Variants in PCDHGA8 observed in about 807,000 individuals in gnomAD.
PCDHGA8 encodes the protein protocadherin gamma subfamily A, 8.
PCDHGA8 carries 45 observed loss-of-function variants against 59.2 expected under a neutral mutation model. The ratio of observed to expected loss-of-function variants is 0.76; its 90% CI spans 0.60 to 0.98. The LOEUF is 0.98. Ranked by LOEUF, PCDHGA8 falls within the 50% of genes least tolerant of loss-of-function variation. PCDHGA8 has a pLI of 0.00. For synonymous variants in PCDHGA8, 531 were observed against 519.0 expected (o/e 1.02, Z -0.32); for missense variants, 1,257 against 1,196.2 (o/e 1.05, Z -0.75).
chr5:141,399,682 G>C, intron 1 of PCDHGA8: 2 of 1,613,512 alleles, frequency 1.2e-6, no homozygotes, highest in Non-Finnish European at 1.7e-6. Context: ...CTTTGACTAC[G>C]AGCAGCTGCG....
intron 1 of PCDHGA8, among the ~76,000 whole-genome samples, chr5:141,444,482 T>G (rs1346576719): frequency 6.6e-6 from 1 of 152,000 alleles, no homozygotes; most frequent in Non-Finnish European, 1.5e-5. Context: ...CGTACTGGAT[T>G]TATATTGTGT....
intron 1 of PCDHGA8, chr5:141,413,820 C>G (rs967941133): frequency 5.6e-6 from 9 of 1,613,086 alleles, no homozygotes; most frequent in South Asian, 1.1e-5. Flanking sequence ...ACCACCTGGT[C>G]CTCACCGCCT....
chr5:141,460,921 T>C (rs984603258), intron 1 of PCDHGA8, among the ~76,000 whole-genome samples: 4 of 151,276 alleles, frequency 2.6e-5, no homozygotes, highest in African/African-American at 9.7e-5. Flanking sequence ...TGTATATATA[T>C]ATATGTGTGT....
At chr5:141,453,083 A>G (rs1404530649) in intron 1 of PCDHGA8, among the ~76,000 whole-genome samples, 1 of 152,044 alleles carries the variant, frequency 6.6e-6, no homozygotes, top group African/African-American at 2.4e-5. Flanking sequence ...CTGGTTGATT[A>G]GTATATTTTC....
chr5:141,420,147 C>T lies in PCDHGA8; in HGVS notation c.2424+24910C>T, dbSNP rs1480828845. On this transcript the variant is annotated intron_variant, in intron 1 of 3. Transcript: ENST00000398604. Reference sequence around the variant, plus strand: ...TGTGTGCCTGGGGATCAAATGAATCCAGAATTTAATTTTTTCACATCTGTT... The same window carrying T: ...TGTGTGCCTGGGGATCAAATGAATCTAGAATTTAATTTTTTCACATCTGTT... The T allele has an allele frequency of 2.5e-6, 4 of 1,613,848 alleles. No individual in the cohort carries two copies. The East Asian group carries it at 8.9e-5, about 36-fold the overall frequency.
Position 141,477,858 on chromosome 5 carries a change from C to T in PCDHGA8, c.2425-16949C>T. 2 of 1,613,572 alleles carry T rather than the reference C, an allele frequency of 1.2e-6. No individual in the cohort carries two copies. Among genetic ancestry groups the T allele is most frequent in the Non-Finnish European group, 1.7e-6 (2 of 1,179,842 alleles). ...GGTGGGAGCTCGGTGGAGATGCTGC[C>T]TCGAGGTACCTCAGCTGGCCACCTA... On this transcript the variant is annotated intron_variant, in intron 1 of 3. Transcript: ENST00000398604. This position sits in a 1 kb window ranked among gnomAD's most constrained non-coding sequence, Gnocchi z 4.9.
intron 1 of PCDHGA8, chr5:141,428,212 C>A (rs1295973505): frequency 8.0e-7 from 1 of 1,255,000 alleles, no homozygotes; most frequent in Non-Finnish European, 1.1e-6. Context: ...TACGCTTCAC[C>A]TAGTCTTCGC....
At chr5:141,419,761 C>A in intron 1 of PCDHGA8, 1 of 1,614,008 alleles carries the variant, frequency 6.2e-7, no homozygotes, top group South Asian at 1.1e-5. Context: ...CTTTGGGTGA[C>A]AAGGACTCGG....
In PCDHGA8 at chr5:141,420,134, G is replaced by A. The variant is rs769225630; in HGVS notation, c.2424+24897G>A. The A allele has an allele frequency of 1.1e-5, 18 of 1,613,952 alleles. No homozygotes were observed. Among genetic ancestry groups the A allele is most frequent in the Non-Finnish European group, 1.4e-5 (17 of 1,179,876 alleles). Reference sequence around the variant, plus strand: ...TGCCTATAATTTTTGTGTGCCTGGGGATCAAATGAATCCAGAATTTAATTT... The same window carrying A: ...TGCCTATAATTTTTGTGTGCCTGGGAATCAAATGAATCCAGAATTTAATTT... On this transcript the variant is annotated intron_variant, in intron 1 of 3. Coordinates refer to ENST00000398604, the MANE Select transcript of PCDHGA8 (RefSeq NM_032088.2).
At chr5:141,414,733 G>A (rs768741206) in intron 1 of PCDHGA8, 2 of 1,614,174 alleles carry the variant, frequency 1.2e-6, no homozygotes. Flanking sequence ...CGTCCTGTAT[G>A]CACTCAGATC....
chr5:141,506,415 C>T lies in PCDHGA8; in HGVS notation c.2572+934C>T, dbSNP rs2099853185. 2.0e-5 allele frequency among the ~76,000 whole-genome samples: 3 copies of T among 148,290 alleles called. No homozygotes were observed. The South Asian group carries it at 6.4e-4, about 32-fold the overall frequency. On this transcript the variant is annotated intron_variant, in intron 3 of 3. Coordinates refer to ENST00000398604, the MANE Select transcript of PCDHGA8 (RefSeq NM_032088.2). ...GAGCAGAAAATCGCACCACTGCACT[C>T]CAGCCTGGGCAACAGTCTCGCTCTG...
chr5:141,437,800 C>G (rs963856257), intron 1 of PCDHGA8, among the ~76,000 whole-genome samples: 1 of 150,744 alleles, frequency 6.6e-6, no homozygotes, highest in African/African-American at 2.4e-5. Flanking sequence ...TGCAGTGGCA[C>G]TATCTTGGCT....
At position 141,485,939 on chromosome 5, in the gene PCDHGA8, C is replaced by A; in HGVS notation, c.2425-8868C>A. ...CAGGATTAGTGTGTTGGAGAGCGCA[C>A]CAGCGGGCATGGTGCTCATCCAGCT... On this transcript the variant is annotated intron_variant, in intron 1 of 3. Transcript: ENST00000398604. This position sits in a 1 kb window ranked among gnomAD's most constrained non-coding sequence, Gnocchi z 5.7. 1 of 1,614,140 alleles carries A rather than the reference C, an allele frequency of 6.2e-7. No homozygotes were observed. The highest frequency in any genetic ancestry group is 8.5e-7 in the Non-Finnish European group (1 of 1,180,030).
intron 2 of PCDHGA8, 69 bp from the exon 3 acceptor site, chr5:141,505,324 G>T: frequency 6.2e-7 from 1 of 1,607,102 alleles, no homozygotes; most frequent in African/African-American, 1.3e-5. Context: ...GGAGCCCTGG[G>T]AGAGGACAGG....
chr5:141,480,336 G>A (rs755963190), intron 1 of PCDHGA8, among the ~76,000 whole-genome samples: 1 of 151,988 alleles, frequency 6.6e-6, no homozygotes, highest in Non-Finnish European at 1.5e-5. Flanking sequence ...AATTGCTTGA[G>A]CCTGGGAGGT....
In PCDHGA8 at chr5:141,464,280, A is replaced by C. The variant is rs934753450; in HGVS notation, c.2425-30527A>C. Among the ~76,000 whole-genome samples, 148 of 75,930 alleles carry C rather than the reference A, an allele frequency of 1.9e-3. 1 individual carries two copies. Among genetic ancestry groups the C allele is most frequent in the African/African-American group, 0.011 (146 of 12,968 alleles). 49.8% of individuals were successfully genotyped at this position (75,930 alleles called of 152,430 possible). Reference sequence around the variant, plus strand: ...ACTCCGTCTAAAAAAAAAAAAAAGCAAAAAAAAAAACTCCATTGTATGTGC... The same window carrying C: ...ACTCCGTCTAAAAAAAAAAAAAAGCCAAAAAAAAAACTCCATTGTATGTGC... On this transcript the variant is annotated intron_variant, in intron 1 of 3. Transcript: ENST00000398604.
intron 1 of PCDHGA8, chr5:141,428,082 G>T (rs776612130): frequency 1.2e-6 from 2 of 1,609,030 alleles, no homozygotes; most frequent in South Asian, 2.2e-5. Flanking sequence ...GGGACACAAC[G>T]CTTGGCTGTC....
rs1342924521 is a variant in PCDHGA8 at position 141,393,115 on chromosome 5, G to C, written c.302G>C (p.Arg101Pro). Reference sequence around the variant, plus strand: ...GAGGAGCTCTGCGCTCAGAGCCCGCGGTGTCTGATAAATATTAACACCCTG... The same window carrying C: ...GAGGAGCTCTGCGCTCAGAGCCCGCCGTGTCTGATAAATATTAACACCCTG... ...DREELCAQSP[R>P]CLININTLVE... The change falls in exon 1 of 4, where the codon CGG becomes CCG. Residue 101 changes from arginine (R) to proline (P), a missense_variant. Arg to Pro is a moderately radical substitution (Grantham distance 103). Coordinates refer to ENST00000398604, the MANE Select transcript of PCDHGA8 (RefSeq NM_032088.2). 42 of 1,613,320 alleles carry C rather than the reference G, an allele frequency of 2.6e-5. No homozygotes were observed. The highest frequency in any genetic ancestry group is 3.6e-5 in the Non-Finnish European group (42 of 1,179,902).
intron 1 of PCDHGA8, among the ~76,000 whole-genome samples, chr5:141,482,072 C>G (rs1010432509): frequency 1.5e-5 from 2 of 133,436 alleles, no homozygotes; most frequent in African/African-American, 5.9e-5. Flanking sequence ...GCAACAAGAA[C>G]AAAACTCACT....
Sources: allele counts gnomAD v4.1 joint callset (sites outside exome capture counted in the v4.1 genomes callset), GRCh38; gene constraint gnomAD v4.1.1; non-coding constraint Gnocchi (gnomAD v3.1); transcripts MANE v1.5; gene names NCBI Gene and HGNC (gene_info 2026-07-23, HGNC 2026-07-21).